The following CDH13 variants were observed in gnomAD, a reference collection of about 807,000 sequenced individuals.
The protein encoded by CDH13 is cadherin-13.
In CDH13, 24 loss-of-function variants were observed where a neutral mutation model predicts 63.8. The observed-to-expected ratio is 0.38, with a 90% confidence interval of 0.27 to 0.53. The LOEUF (loss-of-function observed/expected upper bound fraction) is 0.53. Ranked by LOEUF, CDH13 falls within the 20% of genes least tolerant of loss-of-function variation. The pLI, the probability that CDH13 is intolerant of heterozygous loss-of-function variation, is 0.85. For missense variants in CDH13, 1,049 were observed against 903.1 expected (o/e 1.16, Z -2.07); for synonymous variants, 503 against 355.3 (o/e 1.42, Z -4.67).
At chr16:83,031,987 C>G (rs986575826) in intron 2 of CDH13, 23 bp from the exon 3 acceptor site, 14 of 1,553,464 alleles carry the variant, frequency 9.0e-6, no homozygotes, top group African/African-American at 1.4e-5. Context: ...CATGCTCCTT[C>G]TGTTGTTTCG....
chr16:82,683,767 C>G (rs143881803), intron 1 of CDH13, among the ~76,000 whole-genome samples: 4 of 152,204 alleles, frequency 2.6e-5, no homozygotes, highest in Non-Finnish European at 5.9e-5. Flanking sequence ...GAAAATGAGA[C>G]TCAAGCCAAG....
At chr16:83,318,677 G>A (rs558624569) in intron 5 of CDH13, among the ~76,000 whole-genome samples, 50 of 152,222 alleles carry the variant, frequency 3.3e-4, no homozygotes, top group African/African-American at 1.1e-3. Context: ...TGTGGCCTAC[G>A]GAAATCGAAG....
At chr16:83,504,887 C>A (rs1241121217) in intron 7 of CDH13, among the ~76,000 whole-genome samples, 1 of 152,178 alleles carries the variant, frequency 6.6e-6, no homozygotes, top group East Asian at 1.9e-4. Context: ...AGGTAAGTCT[C>A]ATGGTGACAT....
intron 7 of CDH13, among the ~76,000 whole-genome samples, chr16:83,554,477 A>G (rs1045602398): frequency 1.3e-5 from 2 of 152,216 alleles, no homozygotes; most frequent in Non-Finnish European, 2.9e-5. Context: ...GGGAACACGA[A>G]CTTCTGCAAA....
At chr16:82,972,656 C>T (rs2151373018) in intron 2 of CDH13, among the ~76,000 whole-genome samples, 1 of 152,262 alleles carries the variant, frequency 6.6e-6, no homozygotes, top group African/African-American at 2.4e-5. Flanking sequence ...ACGTGGTAAG[C>T]ATTTAACACA....
At chr16:83,028,116 T>G (rs987010141) in intron 2 of CDH13, among the ~76,000 whole-genome samples, 3 of 152,210 alleles carry the variant, frequency 2.0e-5, no homozygotes, top group Non-Finnish European at 4.4e-5. Flanking sequence ...TGTGATCCTG[T>G]TCGAGGGTTA....
At chr16:83,426,563 G>A (rs1294733783) in intron 6 of CDH13, among the ~76,000 whole-genome samples, 1 of 149,744 alleles carries the variant, frequency 6.7e-6, no homozygotes, top group Non-Finnish European at 1.5e-5. Flanking sequence ...TTACCTTTTT[G>A]CCAGTTTTCC....
chr16:82,998,364 C>G (rs1328863140), intron 2 of CDH13, among the ~76,000 whole-genome samples: 2 of 152,230 alleles, frequency 1.3e-5, no homozygotes, highest in East Asian at 3.8e-4. Context: ...TTCCAACTTT[C>G]ATAAATAAGC....
intron 8 of CDH13, among the ~76,000 whole-genome samples, chr16:83,624,342 C>CCCT (rs1251289880): frequency 1.3e-5 from 2 of 151,556 alleles, no homozygotes; most frequent in African/African-American, 4.9e-5. Context: ...GATAACGCCC[C>CCCT]CACCCCTGCC....
chr16:82,729,549 T>C (rs561522926), intron 1 of CDH13, among the ~76,000 whole-genome samples: 37 of 152,134 alleles, frequency 2.4e-4, no homozygotes, highest in Non-Finnish European at 5.9e-5. Flanking sequence ...CAGTAAAGCA[T>C]GCTGTAAACA....
chr16:83,006,361 C>T (rs919713468), intron 2 of CDH13, among the ~76,000 whole-genome samples: 5 of 152,188 alleles, frequency 3.3e-5, no homozygotes, highest in East Asian at 1.9e-4. Context: ...TCTGAAAAAA[C>T]GTTCAGATAT....
chr16:83,461,993 G>T (rs542756791), intron 6 of CDH13, among the ~76,000 whole-genome samples: 3 of 152,338 alleles, frequency 2.0e-5, no homozygotes, highest in African/African-American at 4.8e-5. Flanking sequence ...TGAAAGGTGG[G>T]CTCCATGGCT....
intron 6 of CDH13, 71 bp from the exon 7 acceptor site, chr16:83,486,406 G>A (rs990279312): frequency 5.8e-5 from 80 of 1,374,302 alleles, no homozygotes; most frequent in Admixed American, 4.2e-4. Context: ...TATTGCCCAG[G>A]TGGGGAAGGG....
intron 7 of CDH13, among the ~76,000 whole-genome samples, chr16:83,568,830 G>A (rs183862227): frequency 6.6e-6 from 1 of 152,076 alleles, no homozygotes; most frequent in Non-Finnish European, 1.5e-5. Flanking sequence ...CTCACTTGCT[G>A]TTCTGTCCTT....
intron 8 of CDH13, 21 bp from the exon 9 acceptor site, chr16:83,670,769 T>G (rs1567502864): frequency 3.1e-6 from 5 of 1,612,700 alleles, no homozygotes; most frequent in Non-Finnish European, 4.2e-6. Context: ...TAGTGACCAT[T>G]ACCATCTGCT....
chr16:82,677,234 C>T (rs1159841892), intron 1 of CDH13, among the ~76,000 whole-genome samples: 1 of 152,184 alleles, frequency 6.6e-6, no homozygotes, highest in Non-Finnish European at 1.5e-5. Flanking sequence ...AATGCAGACT[C>T]ATTCATCCTT....
chr16:83,033,813 A>G (rs1291685967), intron 3 of CDH13, among the ~76,000 whole-genome samples: 1 of 152,204 alleles, frequency 6.6e-6, no homozygotes, highest in East Asian at 1.9e-4. Context: ...ACACAGCAGG[A>G]TTCCAGCCAA....
chr16:82,731,578 A>T (rs1465151802), intron 1 of CDH13, among the ~76,000 whole-genome samples: 1 of 152,242 alleles, frequency 6.6e-6, no homozygotes, highest in Non-Finnish European at 1.5e-5. Context: ...GACTTAGGTC[A>T]TTGGTTTATT....
At chr16:83,426,303 G>C (rs2035710) in intron 6 of CDH13, among the ~76,000 whole-genome samples, 1 of 152,116 alleles carries the variant, frequency 6.6e-6, no homozygotes, top group African/African-American at 2.4e-5. Flanking sequence ...CATCCGATTT[G>C]AAGGGTCAGT....
Sources: allele counts gnomAD v4.1 joint callset (sites outside exome capture counted in the v4.1 genomes callset), GRCh38; gene constraint gnomAD v4.1.1; transcripts MANE v1.5; gene names NCBI Gene and HGNC (gene_info 2026-07-23, HGNC 2026-07-21).